Variants in LYPD6B observed in about 807,000 individuals in gnomAD.
LYPD6B encodes the protein ly6/PLAUR domain-containing protein 6B.
In LYPD6B, 17 loss-of-function variants were observed where a neutral mutation model predicts 22.8. The observed-to-expected ratio is 0.75, with a 90% confidence interval of 0.51 to 1.12. The LOEUF is 1.12. Ranked by LOEUF, LYPD6B falls within the 50% of genes most tolerant of loss-of-function variation. The pLI is 0.00. For synonymous variants in LYPD6B, 106 were observed against 91.6 expected, an observed-to-expected ratio of 1.16 and a Z score of -0.90; for missense variants, 221 against 258.3, an observed-to-expected ratio of 0.86 and a Z score of 0.99.
intron 2 of LYPD6B, among the ~76,000 whole-genome samples, chr2:149,134,856 G>A (rs1030089241): frequency 9.2e-5 from 14 of 152,206 alleles, no homozygotes; most frequent in African/African-American, 3.4e-4. Context: ...AGGCATGCAA[G>A]GTTAAGAGCA....
chr2:149,198,331 C>T (rs774563006), intron 3 of LYPD6B, among the ~76,000 whole-genome samples: 8 of 152,122 alleles, frequency 5.3e-5, no homozygotes, highest in Non-Finnish European at 8.8e-5. Context: ...CATGAGCCAC[C>T]GCGCCTCACT....
At chr2:149,123,566 G>C (rs1453398450) in intron 1 of LYPD6B, among the ~76,000 whole-genome samples, 1 of 152,032 alleles carries the variant, frequency 6.6e-6, no homozygotes, top group African/African-American at 2.4e-5. Flanking sequence ...GAGAAGGGAG[G>C]GAGGAAGAAA....
At position 149,102,657 on chromosome 2, in the gene LYPD6B, T is replaced by C. The variant is rs143948711; in HGVS notation, c.-66-28226T>C. ...TTTTGTTTTTTGTTTTGAGACAGAG[T>C]CTCTTTCTGTCACCCAGGCTGGAAT... is the stretch of plus-strand genomic sequence containing the variant. On this transcript the variant is annotated intron_variant, in intron 1 of 6. Transcript: ENST00000409642. Among the ~76,000 whole-genome samples, 1,332 of 152,086 alleles carry C rather than the reference T, an allele frequency of 8.8e-3. 14 individuals are homozygous for C. Among genetic ancestry groups the C allele is most frequent in the Non-Finnish European group, 0.015 (1,008 of 67,984 alleles).
At chr2:149,041,619 TTAGG>T (rs1246113152) in intron 1 of LYPD6B, among the ~76,000 whole-genome samples, 9 of 152,078 alleles carry the variant, frequency 5.9e-5, no homozygotes, top group Admixed American at 3.9e-4. Flanking sequence ...TGTTGGGCTG[TTAGG>T]TAGGCAACAA....
chr2:149,154,484 C>G (rs1188633263), intron 2 of LYPD6B, among the ~76,000 whole-genome samples: 3 of 58,848 alleles, frequency 5.1e-5, no homozygotes, highest in Non-Finnish European at 1.4e-4. Flanking sequence ...TTTAAGCCAC[C>G]ATTTTTTTTT....
chr2:149,126,435 C>T (rs551216027), intron 1 of LYPD6B, among the ~76,000 whole-genome samples: 2 of 152,140 alleles, frequency 1.3e-5, no homozygotes, highest in African/African-American at 4.8e-5. Context: ...ATGTTGTATT[C>T]TTACAATAAG....
chr2:149,070,954 C>T (rs1250345107), intron 1 of LYPD6B, among the ~76,000 whole-genome samples: 1 of 152,162 alleles, frequency 6.6e-6, no homozygotes, highest in Non-Finnish European at 1.5e-5. Context: ...TAAATGGAAT[C>T]CTTGGCACTG....
chr2:149,189,343 T>TATATATATATATATATAC (rs1491184413), intron 3 of LYPD6B, among the ~76,000 whole-genome samples: 2 of 10,098 alleles, frequency 2.0e-4, no homozygotes, highest in African/African-American at 4.8e-4. Context: ...TGTCCAAAAT[T>TATATATATATATATATAC]ATATATATAT....
intron 2 of LYPD6B, chr2:149,154,052 A>G: frequency 1.0e-6 from 1 of 972,528 alleles, no homozygotes; most frequent in Non-Finnish European, 1.2e-6. Context: ...GGGGAAGAAG[A>G]TGGAGTTTTG....
At chr2:149,092,197 G>T (rs4603730) in intron 1 of LYPD6B, among the ~76,000 whole-genome samples, 92,290 of 151,528 alleles carry the variant, frequency 0.61, 28,263 homozygotes, top group Admixed American at 0.67. Context: ...TGATGGGGGG[G>T]GAATTTTAGA....
At chr2:149,162,200 C>T (rs1017324953) in intron 3 of LYPD6B, among the ~76,000 whole-genome samples, 4 of 152,168 alleles carry the variant, frequency 2.6e-5, no homozygotes, top group Non-Finnish European at 4.4e-5. Context: ...CTATTATTAA[C>T]CATCTCTATC....
At chr2:149,090,530 C>T (rs1296851658) in intron 1 of LYPD6B, among the ~76,000 whole-genome samples, 1 of 152,100 alleles carries the variant, frequency 6.6e-6, no homozygotes, top group East Asian at 1.9e-4. Context: ...ATTGTCAATA[C>T]TCTTAGCCTG....
intron 1 of LYPD6B, among the ~76,000 whole-genome samples, chr2:149,103,771 CTTTTTTT>C (rs56739458): frequency 2.7e-5 from 2 of 74,312 alleles, no homozygotes; most frequent in Non-Finnish European, 4.7e-5. Flanking sequence ...TTGTGCATAT[CTTTTTTT>C]TTTTTTTTTT....
chr2:149,208,109 A>G (rs78077328), intron 4 of LYPD6B, among the ~76,000 whole-genome samples: 198 of 152,336 alleles, frequency 1.3e-3, no homozygotes, highest in African/African-American at 4.6e-3. Context: ...GGCAATTCTT[A>G]GAAGACATAT....
rs192777153 is a variant in LYPD6B at position 149,185,623 on chromosome 2, G to A, written c.78-19630G>A. On this transcript the variant is annotated intron_variant, in intron 3 of 6. Coordinates refer to ENST00000409642, the MANE Select transcript of LYPD6B (RefSeq NM_177964.5). The stretch of plus-strand genomic sequence containing the variant: ...AATGACCACACGTAAGTAGAAGGAG[G>A]CTGATTTGGAAAATACAGGCCTACC... 3.9e-5 allele frequency among the ~76,000 whole-genome samples: 6 copies of A among 152,288 alleles called. No individual in the cohort carries two copies. The East Asian group carries it at 9.6e-4, about 24-fold the overall frequency.
chr2:149,107,437 T>C (rs1686533463), intron 1 of LYPD6B, among the ~76,000 whole-genome samples: 1 of 152,210 alleles, frequency 6.6e-6, no homozygotes, highest in African/African-American at 2.4e-5. Flanking sequence ...AGATCACAGT[T>C]GACCACGAGT....
intron 1 of LYPD6B, among the ~76,000 whole-genome samples, chr2:149,096,024 GAGAC>G (rs1685888918): frequency 6.6e-6 from 1 of 151,906 alleles, no homozygotes; most frequent in Non-Finnish European, 1.5e-5. Context: ...CCCATGTAGA[GAGAC>G]AGAGGGAGGC....
At chr2:149,132,860 C>A (rs1413783268) in intron 2 of LYPD6B, among the ~76,000 whole-genome samples, 1 of 152,186 alleles carries the variant, frequency 6.6e-6, no homozygotes, top group African/African-American at 2.4e-5. Context: ...CCCTCAGTTT[C>A]TGAGAACTGA....
intron 3 of LYPD6B, among the ~76,000 whole-genome samples, chr2:149,192,967 T>G (rs1692590100): frequency 6.6e-6 from 1 of 152,092 alleles, no homozygotes; most frequent in East Asian, 1.9e-4. Flanking sequence ...GAAGTACATG[T>G]GCTGTGCTCG....
Sources: allele counts gnomAD v4.1 joint callset (sites outside exome capture counted in the v4.1 genomes callset), GRCh38; gene constraint gnomAD v4.1.1; transcripts MANE v1.5; gene names NCBI Gene and HGNC (gene_info 2026-07-23, HGNC 2026-07-21).